Variants in GATAD2A observed in about 807,000 individuals in gnomAD.
GATAD2A encodes transcriptional repressor p66-alpha.
Under a neutral mutation model 68.5 loss-of-function variants are expected in GATAD2A, and 12 were observed. That is an observed-to-expected ratio of 0.18 (90% CI 0.11 to 0.28). The LOEUF (loss-of-function observed/expected upper bound fraction) is 0.28. Among genes scored for constraint, GATAD2A ranks in the 10% least tolerant of loss-of-function variants. The pLI is 1.00. For synonymous variants in GATAD2A, 410 were observed against 375.3 expected (o/e 1.09, Z -1.07); for missense variants, 755 against 868.5 (o/e 0.87, Z 1.64).
chr19:19,426,586 C>T (rs1212470654), intron 1 of GATAD2A, among the ~76,000 whole-genome samples: 4 of 151,806 alleles, frequency 2.6e-5, no homozygotes, highest in Non-Finnish European at 5.9e-5. Context: ...TCTTGGCTCA[C>T]TGCAGCCTCC....
At chr19:19,411,849 T>C (rs2050966252) in intron 1 of GATAD2A, among the ~76,000 whole-genome samples, 1 of 152,228 alleles carries the variant, frequency 6.6e-6, no homozygotes, top group Non-Finnish European at 1.5e-5. Flanking sequence ...GAACACCTCA[T>C]ATCTCAGTTA....
In GATAD2A at chr19:19,505,423, C is replaced by A. The variant is rs550483945; in HGVS notation, c.1854C>A (p.Leu618=). ...SSAVDRQREY[L]LDMIPPRSIP... ...CCGTGGACCGCCAGCGAGAGTACCT[C>A]CTGGACATGATCCCACCCCGCTCCA... is the stretch of plus-strand genomic sequence containing the variant. Residue 618 remains leucine (L), a synonymous_variant, in exon 12 of 12, where the codon CTC becomes CTA. Coordinates refer to ENST00000683918, the MANE Select transcript of GATAD2A (RefSeq NM_001384528.1). 6.2e-7 allele frequency: 1 copy of A among 1,612,378 alleles called. No individual in the cohort carries two copies. The highest frequency in any genetic ancestry group is 1.1e-5 in the South Asian group (1 of 90,914).
Position 19,496,239 on chromosome 19 carries a change from G to A in GATAD2A, c.924+20G>A. The A allele has an allele frequency of 1.9e-6, 3 of 1,607,640 alleles. No individual in the cohort carries two copies. Among genetic ancestry groups the A allele is most frequent in the Non-Finnish European group, 2.6e-6 (3 of 1,175,364 alleles). ...CCACAGGTGAGGGCTGCGCCACACT[G>A]TGCCAGGGAGAGTGTGTGTCCCACC... On this transcript the variant is annotated intron_variant, in intron 7 of 11. Transcript: ENST00000683918.
intron 1 of GATAD2A, chr19:19,441,866 G>C (rs1366447183): frequency 1.3e-5 from 2 of 152,546 alleles, no homozygotes; most frequent in East Asian, 1.9e-4. Context: ...GCCTGGCCTG[G>C]TTTTTGTTTT....
In GATAD2A at chr19:19,479,373, A is replaced by C. The variant is rs574075616; in HGVS notation, c.270-12933A>C. Reference sequence around the variant, plus strand: ...AGACTACAGAACATGTGTCACAAGTAGTGAGCCAGGGTCCATGTATTATTT... The same window carrying C: ...AGACTACAGAACATGTGTCACAAGTCGTGAGCCAGGGTCCATGTATTATTT... On this transcript the variant is annotated intron_variant, in intron 2 of 11. Coordinates refer to ENST00000683918, the MANE Select transcript of GATAD2A (RefSeq NM_001384528.1). Among the ~76,000 whole-genome samples, 268 of 152,350 alleles carry C rather than the reference A, an allele frequency of 1.8e-3. 2 individuals are homozygous for C. Among genetic ancestry groups the C allele is most frequent in the African/African-American group, 6.3e-3 (260 of 41,580 alleles).
intron 1 of GATAD2A, among the ~76,000 whole-genome samples, chr19:19,460,810 C>T (rs1411678250): frequency 6.6e-6 from 1 of 152,218 alleles, no homozygotes; most frequent in Non-Finnish European, 1.5e-5. Flanking sequence ...AGTCCTCCAG[C>T]CAGGTGATCC....
chr19:19,470,175 G>A (rs1245617681), intron 2 of GATAD2A, among the ~76,000 whole-genome samples: 23 of 130,360 alleles, frequency 1.8e-4, no homozygotes, highest in Non-Finnish European at 2.1e-4. Flanking sequence ...TTTTGAGACA[G>A]AGTCTCACTC....
chr19:19,436,380 T>TGGGG (rs1405160050), intron 1 of GATAD2A, among the ~76,000 whole-genome samples: 1 of 152,162 alleles, frequency 6.6e-6, no homozygotes, highest in African/African-American at 2.4e-5. Context: ...GCAGTCTGTA[T>TGGGG]GGGGCTGCCT....
At chr19:19,452,618 C>A (rs1303076928) in intron 1 of GATAD2A, among the ~76,000 whole-genome samples, 1 of 151,620 alleles carries the variant, frequency 6.6e-6, no homozygotes, top group African/African-American at 2.4e-5. Flanking sequence ...ATTGAAGGAC[C>A]AAGGCAGGGA....
chr19:19,483,536 G>A (rs866276145), intron 2 of GATAD2A, among the ~76,000 whole-genome samples: 2 of 152,154 alleles, frequency 1.3e-5, no homozygotes, highest in African/African-American at 2.4e-5. Context: ...GAGGGGCTGC[G>A]GCTGGCGAGA....
intron 1 of GATAD2A, chr19:19,441,559 TTTTG>T (rs999406439): frequency 6.5e-6 from 1 of 153,772 alleles, no homozygotes; most frequent in African/African-American, 2.5e-5. Flanking sequence ...TTGGGTTTGT[TTTTG>T]TTTTTGTTTT....
At chr19:19,445,880 C>G (rs1348616478) in intron 1 of GATAD2A, among the ~76,000 whole-genome samples, 1 of 152,132 alleles carries the variant, frequency 6.6e-6, no homozygotes, top group African/African-American at 2.4e-5. Flanking sequence ...TTTTAACATT[C>G]ACCTGCACAT....
chr19:19,498,797 C>A, intron 8 of GATAD2A, 75 bp downstream of exon 8: 1 of 1,326,494 alleles, frequency 7.5e-7, no homozygotes, highest in Non-Finnish European at 1.1e-6. Context: ...TTCTTTCCAA[C>A]ACACAGCAGA....
In GATAD2A at chr19:19,465,334, C is replaced by T. The variant is rs1382462452; in HGVS notation, c.-6-6C>T. On this transcript the variant is annotated splice_polypyrimidine_tract_variant and splice_region_variant and intron_variant, in intron 1 of 11. Transcript: ENST00000683918. ...TAAAATGTTGTGTCTTCTCCTCCCT[C>T]CCAAGTTCAGAATGACCGAAGAAGC... 1 of 1,612,512 alleles carries T rather than the reference C, an allele frequency of 6.2e-7. No individual in the cohort carries two copies. Among genetic ancestry groups the T allele is most frequent in the African/African-American group, 1.3e-5 (1 of 74,910 alleles).
chr19:19,459,603 A>G (rs1296613494), intron 1 of GATAD2A, among the ~76,000 whole-genome samples: 1 of 152,216 alleles, frequency 6.6e-6, no homozygotes. Flanking sequence ...GAGAGTCTCT[A>G]TCTAGCATGT....
At chr19:19,424,521 C>T (rs964135104) in intron 1 of GATAD2A, among the ~76,000 whole-genome samples, 8 of 152,060 alleles carry the variant, frequency 5.3e-5, no homozygotes, top group East Asian at 1.9e-4. Flanking sequence ...TGAGACACTG[C>T]GCCTGACCTC....
intron 1 of GATAD2A, among the ~76,000 whole-genome samples, chr19:19,462,785 C>T (rs755832156): frequency 5.3e-5 from 8 of 152,190 alleles, no homozygotes; most frequent in South Asian, 4.1e-4. Context: ...CACACAGGCA[C>T]GGCCCCCCTG....
In GATAD2A at chr19:19,489,293, C is replaced by T. The variant is rs2059632559; in HGVS notation, c.270-3013C>T. Among the ~76,000 whole-genome samples, 4 of 152,226 alleles carry T rather than the reference C, an allele frequency of 2.6e-5. No individual in the cohort carries two copies. In the South Asian group the frequency reaches 8.3e-4, roughly 31 times the overall value. On this transcript the variant is annotated intron_variant, in intron 2 of 11. Coordinates refer to ENST00000683918, the MANE Select transcript of GATAD2A (RefSeq NM_001384528.1). ...CACAGCCCTGGGGTGAGCCTGGCGCCTCCATTTTCTGACAGTACCTGAACC... is the reference window on the plus strand; with the variant it reads ...CACAGCCCTGGGGTGAGCCTGGCGCTTCCATTTTCTGACAGTACCTGAACC...
chr19:19,435,247 G>A (rs142890320), intron 1 of GATAD2A: 11,166 of 436,226 alleles, frequency 0.026, 454 homozygotes, highest in South Asian at 0.084. Context: ...TTTGAGACAG[G>A]GTCTCACTCT....
Sources: allele counts gnomAD v4.1 joint callset (sites outside exome capture counted in the v4.1 genomes callset), GRCh38; gene constraint gnomAD v4.1.1; transcripts MANE v1.5; gene names NCBI Gene and HGNC (gene_info 2026-07-23, HGNC 2026-07-21).